UBA3: variants seen among roughly 807,000 people sequenced by gnomAD.
UBA3 encodes NEDD8-activating enzyme E1 catalytic subunit.
Under a neutral mutation model 73.5 loss-of-function variants are expected in UBA3, and 26 were observed. That is an observed-to-expected ratio of 0.35 (90% CI 0.26 to 0.49). The LOEUF is 0.49. Among genes scored for constraint, UBA3 ranks in the 20% least tolerant of loss-of-function variants. UBA3 has a pLI of 0.98. For synonymous variants in UBA3, 217 were observed against 191.2 expected (o/e 1.13, Z -1.11); for missense variants, 495 against 555.6 (o/e 0.89, Z 1.10).
chr3:69,071,779 A>G (rs1411318725), intron 4 of UBA3, among the ~76,000 whole-genome samples, 162 bp from the exon 5 acceptor site: 2 of 152,214 alleles, frequency 1.3e-5, no homozygotes, highest in Non-Finnish European at 2.9e-5. Context: ...TAAAATTCAG[A>G]GTTCTTGAAC....
Position 69,054,925 on chromosome 3 carries a change from T to A in UBA3, c.*512A>T, listed in dbSNP as rs1283276784. Reference sequence around the variant, plus strand: ...ATTCAGCTATAACACCATTTACAAATCATTATGAACAAGATAAATTCTGCA... The same window carrying A: ...ATTCAGCTATAACACCATTTACAAAACATTATGAACAAGATAAATTCTGCA... On this transcript the variant is annotated 3_prime_UTR_variant, in exon 18 of 18. Transcript: ENST00000361055. 1 of 152,410 alleles carries A rather than the reference T, an allele frequency of 6.6e-6. No homozygotes were observed. The highest frequency in any genetic ancestry group is 1.5e-5 in the Non-Finnish European group (1 of 68,128). The allele number at this position is 152,410 out of a possible 1,614,324, so 9.4% of individuals were successfully genotyped here.
intron 11 of UBA3, 53 bp downstream of exon 11, chr3:69,061,761 T>C (rs139816318): frequency 1.4e-5 from 17 of 1,204,402 alleles, no homozygotes; most frequent in Middle Eastern, 2.0e-4. Flanking sequence ...CCTGAAAGCA[T>C]CCCAGCCCTA....
At chr3:69,055,601 C>T (rs6549180) in intron 17 of UBA3, 76 bp from the exon 18 acceptor site, 1,087,219 of 1,097,500 alleles carry the variant, frequency 0.99, 538,893 homozygotes, top group Non-Finnish European at 1. Context: ...AAACAAACTA[C>T]AGAGTATTAC....
chr3:69,073,889 T>C (rs1367183683), intron 4 of UBA3, among the ~76,000 whole-genome samples: 1 of 147,442 alleles, frequency 6.8e-6, no homozygotes, highest in Non-Finnish European at 1.5e-5. Context: ...GTGATCCGCC[T>C]GCCTCGGCCT....
intron 7 of UBA3, 77 bp downstream of exon 7, chr3:69,063,991 G>A: frequency 1.6e-6 from 2 of 1,235,516 alleles, no homozygotes; most frequent in Non-Finnish European, 2.3e-6. Flanking sequence ...CCTTGAAATA[G>A]CTAGCAATAT....
intron 12 of UBA3, among the ~76,000 whole-genome samples, chr3:69,057,054 T>G (rs1482040456): frequency 6.6e-6 from 1 of 152,216 alleles, no homozygotes; most frequent in Non-Finnish European, 1.5e-5. Context: ...CATATGGAAC[T>G]AAAACGTCTC....
chr3:69,068,134 G>A (rs771133751), intron 5 of UBA3, 126 bp from the exon 6 acceptor site: 51 of 635,598 alleles, frequency 8.0e-5, no homozygotes, highest in Non-Finnish European at 1.1e-4. Flanking sequence ...GAATATTTTT[G>A]CCTAAGTATT....
intron 6 of UBA3, among the ~76,000 whole-genome samples, chr3:69,067,293 G>C (rs1205908791): frequency 6.6e-6 from 1 of 151,916 alleles, no homozygotes; most frequent in African/African-American, 2.4e-5. Context: ...TTATCTTGTA[G>C]TTTACATCTA....
chr3:69,055,579 T>TA, intron 17 of UBA3, 54 bp from the exon 18 acceptor site: 1 of 1,342,448 alleles, frequency 7.4e-7, no homozygotes, highest in East Asian at 2.4e-5. Flanking sequence ...ACAGAAAGGA[T>TA]AATACACATG....
At chr3:69,071,398 A>G in intron 5 of UBA3, 137 bp downstream of exon 5, 1 of 553,678 alleles carries the variant, frequency 1.8e-6, no homozygotes, top group Non-Finnish European at 3.1e-6. Context: ...TACAATGGGA[A>G]TGGTAGTTTT....
intron 3 of UBA3, 34 bp from the exon 4 acceptor site, chr3:69,075,544 G>T: frequency 7.2e-7 from 1 of 1,389,364 alleles, no homozygotes; most frequent in Non-Finnish European, 9.8e-7. Context: ...TAAAAGCTGG[G>T]TGATAACCGC....
Position 69,075,496 on chromosome 3 carries a change from C to A in UBA3, c.198G>T (p.Leu66Phe), listed in dbSNP as rs758995057. The A allele has an allele frequency of 2.6e-6, 4 of 1,557,910 alleles. No individual in the cohort carries two copies. The highest frequency in any genetic ancestry group is 1.2e-5 in the South Asian group (1 of 82,262). Residue 66 changes from leucine (L) to phenylalanine (F), a missense_variant, in exon 4 of 18, where the codon TTG (leucine) becomes TTT (phenylalanine). By Grantham distance (22) the Leu-to-Phe change is conservative. Coordinates refer to ENST00000361055, the MANE Select transcript of UBA3 (RefSeq NM_003968.4). ...TGACTAGAACTTTACATGTATCTAA[C>A]AAGAACTGGAGAGACTGTAAAGAAT... ...FEPSTESLQFLLDTCKVLVIG... is the reference protein window; with the variant it reads ...FEPSTESLQFFLDTCKVLVIG...
In UBA3 at chr3:69,077,483, T is replaced by A. The variant is rs556920738; in HGVS notation, c.183+315A>T. The A allele has an allele frequency of 1.2e-3, 261 of 210,784 alleles. 3 individuals carry two copies. Among genetic ancestry groups the A allele is most frequent in the African/African-American group, 5.9e-3 (249 of 42,530 alleles). 13.1% of individuals were successfully genotyped at this position (210,784 alleles called of 1,614,324 possible). A position where few individuals can be genotyped will look rare whatever the true frequency, so the allele number is the denominator to read the frequency against. On this transcript the variant is annotated intron_variant, in intron 3 of 17. Coordinates refer to ENST00000361055, the MANE Select transcript of UBA3 (RefSeq NM_003968.4). ...TTAAGTAAGCACACCTATACTCCTATCAAAATTAATTTCTCACAGTAGCAC... is the reference window on the plus strand; with the variant it reads ...TTAAGTAAGCACACCTATACTCCTAACAAAATTAATTTCTCACAGTAGCAC...
At chr3:69,065,549 C>A (rs543391834) in intron 6 of UBA3, among the ~76,000 whole-genome samples, 1 of 152,206 alleles carries the variant, frequency 6.6e-6, no homozygotes, top group East Asian at 1.9e-4. Flanking sequence ...CTTAACTGAT[C>A]TTCCTGCCTC....
At position 69,064,193 on chromosome 3, in the gene UBA3, C is replaced by T. The variant is rs1015757188; in HGVS notation, c.429-82G>A. 20 of 1,026,568 alleles carry T rather than the reference C, an allele frequency of 1.9e-5. No homozygotes were observed. In the African/African-American group the frequency reaches 2.0e-4, roughly 10 times the overall value. 63.6% of individuals were successfully genotyped at this position (1,026,568 alleles called of 1,614,324 possible). On this transcript the variant is annotated intron_variant, in intron 6 of 17. Transcript: ENST00000361055. The stretch of plus-strand genomic sequence containing the variant: ...ACAATGCCATAAGGAACACACTCTG[C>T]ATATATTTACAACAAGAAATAAGTA...
chr3:69,067,381 G>A (rs1559644521), intron 6 of UBA3, among the ~76,000 whole-genome samples: 2 of 152,076 alleles, frequency 1.3e-5, no homozygotes, highest in African/African-American at 4.8e-5. Flanking sequence ...CCGGTATGTT[G>A]ATTTTGTATT....
chr3:69,057,926 T>TTC lies in UBA3; in HGVS notation c.911-618_911-617insGA, dbSNP rs1285785071. Among the ~76,000 whole-genome samples the TTC allele has an allele frequency of 6.6e-4, 95 of 143,092 alleles. 1 individual carries two copies. The highest frequency in any genetic ancestry group is 2.3e-4 in the South Asian group (1 of 4,348). The allele number at this position is 143,092 out of a possible 152,430, so 93.9% of individuals were successfully genotyped here. ...CTCTACTTCAACCCCACATTTTTCT[T>TTC]TTTTTTTTTTTTTTTTTGAGACAGA... On this transcript the variant is annotated intron_variant, in intron 11 of 17. Transcript: ENST00000361055.
intron 6 of UBA3, among the ~76,000 whole-genome samples, chr3:69,067,191 T>A (rs1280209362): frequency 6.6e-6 from 1 of 152,240 alleles, no homozygotes; most frequent in East Asian, 1.9e-4. Flanking sequence ...AATCTTCCAA[T>A]CTTTGAAGAT....
Position 69,056,100 on chromosome 3 carries a change from T to C in UBA3, c.1185-37A>G, listed in dbSNP as rs577647719. 9 of 1,565,634 alleles carry C rather than the reference T, an allele frequency of 5.7e-6. No individual in the cohort carries two copies. The South Asian group carries it at 1.1e-4, about 19-fold the overall frequency. Reference sequence around the variant, plus strand: ...GATGAGAGAGAAGTATCAAACATAATTTTTATCAAAAGATAATTTTTTTAA... The same window carrying C: ...GATGAGAGAGAAGTATCAAACATAACTTTTATCAAAAGATAATTTTTTTAA... On this transcript the variant is annotated intron_variant, in intron 15 of 17. Transcript: ENST00000361055.
Sources: gnomAD v4.1 joint callset for allele counts (sites outside exome capture counted in the v4.1 genomes callset) on GRCh38, gnomAD v4.1.1 for gene constraint, MANE v1.5 for transcripts, NCBI Gene and HGNC (gene_info 2026-07-23, HGNC 2026-07-21) for gene names.